Variants in GABRG3 observed in about 807,000 individuals in gnomAD.
GABRG3 encodes the protein gamma-aminobutyric acid type A receptor subunit gamma3, also known as gamma-aminobutyric acid receptor subunit gamma-3.
Under a neutral mutation model 48.8 loss-of-function variants are expected in GABRG3, and 25 were observed. The observed-to-expected ratio is 0.51, with a 90% CI of 0.37 to 0.72. The LOEUF is 0.72. Among genes scored for constraint, GABRG3 ranks in the 30% least tolerant of loss-of-function variants. The pLI, the probability that GABRG3 is intolerant of heterozygous loss-of-function variation, is 0.00. For synonymous variants in GABRG3, 227 were observed against 217.6 expected (o/e 1.04, Z -0.38); for missense variants, 394 against 577.9 (o/e 0.68, Z 3.26).
chr15:27,475,673 C>G (rs1169972079), intron 5 of GABRG3, among the ~76,000 whole-genome samples: 1 of 148,618 alleles, frequency 6.7e-6, no homozygotes, highest in Admixed American at 6.7e-5. Flanking sequence ...TGATAGTAAT[C>G]ATGTTGGTGG....
intron 3 of GABRG3, among the ~76,000 whole-genome samples, chr15:27,063,809 C>T (rs1325647627): frequency 6.6e-6 from 1 of 152,112 alleles, no homozygotes; most frequent in Non-Finnish European, 1.5e-5. Context: ...CCCTGCAGAG[C>T]CCCCCAGGTC....
intron 4 of GABRG3, among the ~76,000 whole-genome samples, chr15:27,327,580 A>G (rs1415435300): frequency 6.6e-6 from 1 of 152,190 alleles, no homozygotes; most frequent in East Asian, 1.9e-4. Flanking sequence ...TGGGATGGTC[A>G]GAGTCTAACT....
chr15:27,473,815 G>A (rs939180450), intron 5 of GABRG3, among the ~76,000 whole-genome samples: 1 of 152,106 alleles, frequency 6.6e-6, no homozygotes, highest in African/African-American at 2.4e-5. Context: ...TGATGTGTGT[G>A]GAAGAACTAA....
intron 3 of GABRG3, among the ~76,000 whole-genome samples, chr15:27,083,821 C>T (rs566438331): frequency 1.2e-4 from 18 of 152,290 alleles, no homozygotes; most frequent in African/African-American, 1.9e-4. Context: ...TTCAAATACC[C>T]GTTAGCAGTG....
intron 2 of GABRG3, among the ~76,000 whole-genome samples, chr15:26,992,589 C>T (rs777925607): frequency 6.6e-6 from 1 of 152,134 alleles, no homozygotes; most frequent in Non-Finnish European, 1.5e-5. Flanking sequence ...GATGAGTGAT[C>T]TTCTAAATTC....
intron 3 of GABRG3, among the ~76,000 whole-genome samples, chr15:27,183,834 A>G (rs933865927): frequency 1.3e-5 from 2 of 152,196 alleles, no homozygotes; most frequent in African/African-American, 4.8e-5. Flanking sequence ...TTAAATGCAT[A>G]TGTTTGCACA....
intron 2 of GABRG3, among the ~76,000 whole-genome samples, chr15:27,018,777 C>T (rs1172230148): frequency 1.3e-5 from 2 of 152,114 alleles, no homozygotes; most frequent in Non-Finnish European, 2.9e-5. Context: ...TGCATGGACT[C>T]AGAGTATTGG....
intron 3 of GABRG3, among the ~76,000 whole-genome samples, chr15:27,317,399 G>C (rs1389688038): frequency 1.3e-5 from 2 of 152,182 alleles, no homozygotes; most frequent in Non-Finnish European, 2.9e-5. Context: ...TGGCCTTCTA[G>C]TATGCAAGCC....
chr15:27,228,400 C>G (rs891661978), intron 3 of GABRG3, among the ~76,000 whole-genome samples: 1 of 152,314 alleles, frequency 6.6e-6, no homozygotes, highest in Non-Finnish European at 1.5e-5. Flanking sequence ...TGTTCTCATT[C>G]TTTTTTATGG....
chr15:27,291,380 A>C lies in GABRG3; in HGVS notation c.271-35429A>C, dbSNP rs11854129. Among the ~76,000 whole-genome samples the C allele has an allele frequency of 6.7e-3, 1,021 of 152,296 alleles. 13 individuals carry two copies. The highest frequency in any genetic ancestry group is 0.024 in the African/African-American group (980 of 41,552). ...CACTGTAGGTTGTTCTTGAGTCATC[A>C]TGCTTTGTATGTTAATATCTGCCCT... On this transcript the variant is annotated intron_variant, in intron 3 of 9. Coordinates refer to ENST00000615808, the MANE Select transcript of GABRG3 (RefSeq NM_033223.5).
chr15:27,475,856 G>A (rs1372396884), intron 5 of GABRG3, among the ~76,000 whole-genome samples: 2 of 152,084 alleles, frequency 1.3e-5, no homozygotes, highest in Non-Finnish European at 2.9e-5. Context: ...TTGTGATGGT[G>A]ATGATGATGG....
intron 5 of GABRG3, among the ~76,000 whole-genome samples, chr15:27,384,799 A>G (rs762760141): frequency 6.6e-6 from 1 of 152,184 alleles, no homozygotes. Flanking sequence ...GAAACTTTCA[A>G]TATGTGGTAT....
At chr15:27,393,073 C>T (rs1023419895) in intron 5 of GABRG3, among the ~76,000 whole-genome samples, 2 of 152,268 alleles carry the variant, frequency 1.3e-5, no homozygotes, top group African/African-American at 4.8e-5. Context: ...GGTCTGGGCG[C>T]AGTGGCTCAT....
chr15:27,432,980 C>G (rs990686551), intron 5 of GABRG3, among the ~76,000 whole-genome samples: 2 of 152,212 alleles, frequency 1.3e-5, no homozygotes, highest in Admixed American at 6.5e-5. Context: ...TCATCTCTTT[C>G]TGCACTGTCA....
At chr15:27,486,241 A>T (rs1890217041) in intron 6 of GABRG3, among the ~76,000 whole-genome samples, 1 of 152,166 alleles carries the variant, frequency 6.6e-6, no homozygotes, top group African/African-American at 2.4e-5. Flanking sequence ...CTGGGGCTCC[A>T]GATTAATTGC....
chr15:27,217,475 T>C (rs1412218700), intron 3 of GABRG3, among the ~76,000 whole-genome samples: 1 of 152,176 alleles, frequency 6.6e-6, no homozygotes, highest in Non-Finnish European at 1.5e-5. Flanking sequence ...TTCCTGGCCC[T>C]ACATGGGACC....
chr15:27,210,339 T>C (rs1889033699), intron 3 of GABRG3, among the ~76,000 whole-genome samples: 3 of 152,224 alleles, frequency 2.0e-5, no homozygotes, highest in Non-Finnish European at 4.4e-5. Context: ...AGATGAGTAA[T>C]CATGAACACG....
At position 27,416,492 on chromosome 15, in the gene GABRG3, T is replaced by A. The variant is rs1887943829; in HGVS notation, c.575-64158T>A. 2.0e-5 allele frequency among the ~76,000 whole-genome samples: 3 copies of A among 152,176 alleles called. No individual in the cohort carries two copies. The South Asian group carries it at 6.2e-4, about 32-fold the overall frequency. On this transcript the variant is annotated intron_variant, in intron 5 of 9. Transcript: ENST00000615808. ...ACCGATGCTGTGGCATATTTCAAAA[T>A]GGTTCCTTTTCTTCTCCTTCTGCCA...
chr15:27,469,767 TTCTC>T, intron 5 of GABRG3, among the ~76,000 whole-genome samples: 1 of 152,226 alleles, frequency 6.6e-6, no homozygotes, highest in Non-Finnish European at 1.5e-5. Context: ...TGTAAGGTGT[TTCTC>T]TATCCCCCAC....
Sources: gnomAD v4.1 joint callset for allele counts (sites outside exome capture counted in the v4.1 genomes callset) on GRCh38, gnomAD v4.1.1 for gene constraint, MANE v1.5 for transcripts, NCBI Gene and HGNC (gene_info 2026-07-23, HGNC 2026-07-21) for gene names.